RYR3: variants seen among roughly 807,000 people sequenced by gnomAD.
The protein encoded by RYR3 is ryanodine receptor 3.
RYR3 carries 207 observed loss-of-function variants against 584.3 expected under a neutral mutation model. The ratio of observed to expected loss-of-function variants is 0.35; its 90% confidence interval spans 0.32 to 0.40. RYR3 has a LOEUF of 0.40. RYR3 is among the 10% of genes least tolerant of loss of function. The pLI, the probability that RYR3 is intolerant of heterozygous loss-of-function variation, is 1.00. For missense variants in RYR3, 5,616 were observed against 6,089.2 expected (o/e 0.92, Z 2.59); for synonymous variants, 2,416 against 2,248.5 (o/e 1.07, Z -2.11).
chr15:33,515,825 T>C (rs1318352031), intron 3 of RYR3, among the ~76,000 whole-genome samples: 4 of 152,238 alleles, frequency 2.6e-5, no homozygotes, highest in Non-Finnish European at 5.9e-5. Flanking sequence ...AATTCATCAA[T>C]GTGCACTTAT....
At chr15:33,823,162 T>G in intron 81 of RYR3, 90 bp downstream of exon 81, 278 of 927,148 alleles carry the variant, frequency 3.0e-4, no homozygotes, top group Non-Finnish European at 4.1e-4. Context: ...TATACTGGCC[T>G]ACCATAGAAT....
At chr15:33,460,984 G>A (rs190868463) in intron 1 of RYR3, among the ~76,000 whole-genome samples, 3 of 120,748 alleles carry the variant, frequency 2.5e-5, no homozygotes, top group East Asian at 2.5e-4. Context: ...TCGCTGTGTC[G>A]CCCAGGCTGG....
chr15:33,372,612 G>T (rs990635933), intron 1 of RYR3, among the ~76,000 whole-genome samples: 2 of 151,928 alleles, frequency 1.3e-5, no homozygotes, highest in Admixed American at 1.3e-4. Flanking sequence ...TGATCCACCT[G>T]CCTCGGCCTC....
At chr15:33,817,182 C>T (rs2076861467) in intron 75 of RYR3, among the ~76,000 whole-genome samples, 2 of 152,158 alleles carry the variant, frequency 1.3e-5, no homozygotes, top group Admixed American at 6.5e-5. Flanking sequence ...TCCTCATTGT[C>T]GCTGTTAACA....
intron 1 of RYR3, among the ~76,000 whole-genome samples, chr15:33,342,703 G>T (rs1021605069): frequency 6.6e-6 from 1 of 152,074 alleles, no homozygotes; most frequent in Non-Finnish European, 1.5e-5. Flanking sequence ...GAAGCAAGAT[G>T]CTTCTCTTCA....
At chr15:33,748,638 T>A in intron 55 of RYR3, 108 bp downstream of exon 55, 1 of 948,106 alleles carries the variant, frequency 1.1e-6, no homozygotes, top group Non-Finnish European at 1.6e-6. Flanking sequence ...ATATCACCAC[T>A]AAAATTCAAA....
intron 34 of RYR3, among the ~76,000 whole-genome samples, chr15:33,661,351 G>A (rs1483897913): frequency 2.6e-5 from 4 of 152,202 alleles, no homozygotes; most frequent in Admixed American, 6.5e-5. Context: ...GTTGGAAGGT[G>A]TTTCCTCTCT....
At chr15:33,546,804 AG>A (rs963174895) in intron 8 of RYR3, among the ~76,000 whole-genome samples, 20 of 152,048 alleles carry the variant, frequency 1.3e-4, no homozygotes, top group African/African-American at 4.8e-4. Context: ...CTACTTCTCC[AG>A]AAAAAAAAAA....
At chr15:33,573,306 A>G (rs1382628569) in intron 12 of RYR3, among the ~76,000 whole-genome samples, 1 of 152,224 alleles carries the variant, frequency 6.6e-6, no homozygotes, top group African/African-American at 2.4e-5. Context: ...ATTTTGAAGT[A>G]GATTCTTCTT....
intron 1 of RYR3, among the ~76,000 whole-genome samples, chr15:33,355,148 C>T (rs1030427362): frequency 6.8e-5 from 10 of 147,626 alleles, no homozygotes; most frequent in African/African-American, 2.3e-4. Context: ...CGTGCCATTG[C>T]ACTCCAGCCT....
intron 1 of RYR3, among the ~76,000 whole-genome samples, chr15:33,442,604 T>C (rs1176151831): frequency 6.6e-6 from 1 of 152,186 alleles, no homozygotes. Flanking sequence ...AAACCACAGA[T>C]TATAGCCGCC....
intron 1 of RYR3, among the ~76,000 whole-genome samples, chr15:33,336,963 G>C (rs945650280): frequency 2.0e-5 from 3 of 149,088 alleles, no homozygotes; most frequent in East Asian, 2.0e-4. Flanking sequence ...GAGGCTGAGG[G>C]AGGAGAATGG....
intron 67 of RYR3, among the ~76,000 whole-genome samples, chr15:33,790,616 TA>T (rs1233842768): frequency 2.6e-5 from 4 of 152,190 alleles, no homozygotes; most frequent in Non-Finnish European, 5.9e-5. Flanking sequence ...TTTAGTTGCC[TA>T]TTCAATAGAA....
chr15:33,667,507 A>G (rs1330880952), intron 36 of RYR3, among the ~76,000 whole-genome samples: 1 of 152,080 alleles, frequency 6.6e-6, no homozygotes, highest in Admixed American at 6.5e-5. Flanking sequence ...TAGAAAGATC[A>G]TTTTCATTCC....
In RYR3 at chr15:33,425,931, C is replaced by T. The variant is rs373798776; in HGVS notation, c.52-47488C>T. On this transcript the variant is annotated intron_variant, in intron 1 of 103. Transcript: ENST00000634891. ...TGCTCGGATTACAGGCATGAGCCAC[C>T]GCGCCTGGACTGTTTTTTTATTCTT... is the stretch of plus-strand genomic sequence containing the variant. Among the ~76,000 whole-genome samples, 143 of 152,212 alleles carry T rather than the reference C, an allele frequency of 9.4e-4. 2 individuals are homozygous for T. Among genetic ancestry groups the T allele is most frequent in the Non-Finnish European group, 1.5e-3 (102 of 68,022 alleles).
At chr15:33,548,243 T>C in intron 9 of RYR3, 39 bp downstream of exon 9, 1 of 1,330,748 alleles carries the variant, frequency 7.5e-7, no homozygotes, top group Non-Finnish European at 1.1e-6. Flanking sequence ...CAAGATTACT[T>C]TCTTTTTCAG....
At position 33,714,375 on chromosome 15, in the gene RYR3, T is replaced by C. The variant is rs182187472; in HGVS notation, c.6619+7321T>C. On this transcript the variant is annotated intron_variant, in intron 43 of 103. Transcript: ENST00000634891. ...GTTTGTAGTAAATCTTCTTAAATAT[T>C]TGTCTTTAAGAAAATGTTTTAAGGC... 1.1e-3 allele frequency among the ~76,000 whole-genome samples: 160 copies of C among 152,356 alleles called. 1 individual carries two copies. The highest frequency in any genetic ancestry group is 1.6e-4 in the Non-Finnish European group (11 of 68,032).
chr15:33,727,047 A>G (rs1042879565), intron 46 of RYR3, among the ~76,000 whole-genome samples: 5 of 152,308 alleles, frequency 3.3e-5, no homozygotes, highest in South Asian at 2.1e-4. Context: ...GGCTGATGGA[A>G]TGGGACAAGC....
At chr15:33,813,656 C>A in intron 74 of RYR3, 77 bp downstream of exon 74, 1 of 1,150,130 alleles carries the variant, frequency 8.7e-7, no homozygotes, top group South Asian at 1.3e-5. Context: ...TGTGCTCTCT[C>A]ACTCTTAATC....
Sources: allele counts gnomAD v4.1 joint callset (sites outside exome capture counted in the v4.1 genomes callset), GRCh38; gene constraint gnomAD v4.1.1; transcripts MANE v1.5; gene names NCBI Gene and HGNC (gene_info 2026-07-23, HGNC 2026-07-21).